ZNF354B: variants seen among roughly 807,000 people sequenced by gnomAD.
ZNF354B encodes the protein zinc finger protein 354B.
ZNF354B carries 10 observed loss-of-function variants against 12.9 expected under a neutral mutation model. That is an observed-to-expected ratio of 0.77 (90% CI 0.48 to 1.31). The LOEUF is 1.31. Among genes scored for constraint, ZNF354B ranks in the 40% most tolerant of loss-of-function variants. The probability of loss-of-function intolerance (pLI) is 0.00; values close to 1 mark genes in which losing one functional copy is unlikely to be tolerated. For synonymous variants in ZNF354B, 260 were observed against 243.7 expected, an observed-to-expected ratio of 1.07 and a Z score of -0.62; for missense variants, 614 against 711.7, an observed-to-expected ratio of 0.86 and a Z score of 1.56.
chr5:178,865,121 AGTGCATT>A (rs1173810331), intron 2 of ZNF354B, among the ~76,000 whole-genome samples: 14 of 152,212 alleles, frequency 9.2e-5, no homozygotes, highest in Non-Finnish European at 1.9e-4. Flanking sequence ...TATGGTTTTA[AGTGCATT>A]GTGCAGATGA....
chr5:178,863,506 C>A (rs528639072), intron 2 of ZNF354B, among the ~76,000 whole-genome samples: 1 of 152,308 alleles, frequency 6.6e-6, no homozygotes, highest in East Asian at 1.9e-4. Context: ...ACCTACCATG[C>A]AGCCTGCCAG....
In ZNF354B at chr5:178,877,776, T is replaced by C. The variant is rs553116399; in HGVS notation, c.257-4933T>C. Among the ~76,000 whole-genome samples, 59 of 152,332 alleles carry C rather than the reference T, an allele frequency of 3.9e-4. 1 individual carries two copies. Among genetic ancestry groups the C allele is most frequent in the Non-Finnish European group, 1.6e-4 (11 of 68,034 alleles). ...TTGGAGATGGGTAGCTGCTGCCAAC[T>C]AATATTAATTTCACTTGACTGGCCA... On this transcript the variant is annotated intron_variant, in intron 4 of 4. Coordinates refer to ENST00000322434, the MANE Select transcript of ZNF354B (RefSeq NM_058230.3).
At chr5:178,880,972 C>T (rs768185165) in intron 4 of ZNF354B, among the ~76,000 whole-genome samples, 2 of 150,654 alleles carry the variant, frequency 1.3e-5, no homozygotes, top group Non-Finnish European at 2.9e-5. Context: ...CCTCCCTAGT[C>T]ACTAGCATTA....
chr5:178,867,127 G>C, intron 4 of ZNF354B, 56 bp downstream of exon 4: 1 of 1,497,220 alleles, frequency 6.7e-7, no homozygotes, highest in Non-Finnish European at 9.3e-7. Flanking sequence ...TCTGGTTAAT[G>C]AGAGGAGGTA....
intron 4 of ZNF354B, among the ~76,000 whole-genome samples, chr5:178,873,030 C>T (rs1581812732): frequency 6.6e-6 from 1 of 152,282 alleles, no homozygotes; most frequent in Non-Finnish European, 1.5e-5. Context: ...TCAAGTGATT[C>T]GCCTACCTCG....
rs1331958724 is a variant in ZNF354B at position 178,861,097 on chromosome 5, C to T, written c.33+17C>T. On this transcript the variant is annotated intron_variant, in intron 2 of 4. Coordinates refer to ENST00000322434, the MANE Select transcript of ZNF354B (RefSeq NM_058230.3). ...AGGCCCCAGGTGAGCTCATTGCCCT[C>T]CCAGATCCCAGTGGATGGATTTTCC... 1.1e-6 allele frequency: 1 copy of T among 906,446 alleles called. No individual in the cohort carries two copies. Among genetic ancestry groups the T allele is most frequent in the African/African-American group, 1.7e-5 (1 of 58,766 alleles). 56.2% of individuals were successfully genotyped at this position (906,446 alleles called of 1,614,324 possible).
Position 178,883,370 on chromosome 5 carries a change from C to A in ZNF354B, c.918C>A (p.Ser306=). The A allele has an allele frequency of 6.2e-7, 1 of 1,613,970 alleles. No individual in the cohort carries two copies. Among genetic ancestry groups the A allele is most frequent in the South Asian group, 1.1e-5 (1 of 91,070 alleles). The change falls in exon 5 of 5, where the codon TCC becomes TCA. Residue 306 remains serine, a synonymous_variant. Coordinates refer to ENST00000322434, the MANE Select transcript of ZNF354B (RefSeq NM_058230.3). ...ATAGATGTAAAGAATGTGGTAAATCCTTCAGTCGAAGGTCTGGGCTTTTTA... is the reference window on the plus strand; with the variant it reads ...ATAGATGTAAAGAATGTGGTAAATCATTCAGTCGAAGGTCTGGGCTTTTTA... The part of the protein sequence containing the change: ...KCYRCKECGK[S]FSRRSGLFIH...
At chr5:178,863,816 C>A (rs995943871) in intron 2 of ZNF354B, among the ~76,000 whole-genome samples, 46 of 151,970 alleles carry the variant, frequency 3.0e-4, no homozygotes, top group Non-Finnish European at 4.3e-4. Context: ...CCCGTGTAGG[C>A]CTAGACTAAT....
intron 4 of ZNF354B, among the ~76,000 whole-genome samples, chr5:178,881,155 A>AT (rs1368582340): frequency 1.3e-5 from 2 of 152,034 alleles, no homozygotes; most frequent in African/African-American, 4.8e-5. Flanking sequence ...ACTCAAGATC[A>AT]TTTTTGTTTC....
At chr5:178,864,653 C>T (rs1393472699) in intron 2 of ZNF354B, among the ~76,000 whole-genome samples, 2 of 149,772 alleles carry the variant, frequency 1.3e-5, no homozygotes, top group Non-Finnish European at 1.5e-5. Context: ...GAGGGAGTCT[C>T]ACTTTATCAC....
Position 178,882,942 on chromosome 5 carries a change from GGCCAAAACTTCT to G in ZNF354B, c.491_502del (p.Gly164_Tyr168delinsAsp). Reference sequence around the variant, plus strand: ...TAGAAGCCATAAAAATGTTGAATTTGGCCAAAACTTCTACCTGAAATCAGTCTTCATTAAGCA... The same window carrying G: ...TAGAAGCCATAAAAATGTTGAATTTGACCTGAAATCAGTCTTCATTAAGCA... On this transcript the variant is annotated inframe_deletion, in exon 5 of 5. Coordinates refer to ENST00000322434, the MANE Select transcript of ZNF354B (RefSeq NM_058230.3). 6.2e-7 allele frequency: 1 copy of G among 1,601,546 alleles called. No individual in the cohort carries two copies. The highest frequency in any genetic ancestry group is 8.5e-7 in the Non-Finnish European group (1 of 1,176,994).
chr5:178,882,544 T>C (rs552932664), intron 4 of ZNF354B, among the ~76,000 whole-genome samples, 165 bp from the exon 5 acceptor site: 7 of 152,350 alleles, frequency 4.6e-5, no homozygotes, highest in South Asian at 4.1e-4. Flanking sequence ...TGTTCACTTA[T>C]CAGTTCAGCT....
rs1160239496 is a variant in ZNF354B, at chr5:178,883,811, T to C, written c.1359T>C (p.Leu453=). 8.7e-6 allele frequency: 14 copies of C among 1,614,154 alleles called. No individual in the cohort carries two copies. The highest frequency in any genetic ancestry group is 1.1e-5 in the Non-Finnish European group (13 of 1,180,004). Residue 453 remains leucine (L), a synonymous_variant, in exon 5 of 5, where the codon CTT becomes CTC. Transcript: ENST00000322434. ...CGKALSSHST[L]IIHERIHTGE... ...AAGCCTTAAGCTCCCACTCAACACT[T>C]ATTATTCATGAGCGAATTCATACTG...
chr5:178,880,831 ATTTTTTTT>A (rs56013359), intron 4 of ZNF354B, among the ~76,000 whole-genome samples: 799 of 76,140 alleles, frequency 0.01, 14 homozygotes, highest in African/African-American at 0.044. Flanking sequence ...ACTCATGGTC[ATTTTTTTT>A]TTTTTTTTTT....
chr5:178,871,705 A>G (rs570330920), intron 4 of ZNF354B, among the ~76,000 whole-genome samples: 1 of 152,244 alleles, frequency 6.6e-6, no homozygotes, highest in South Asian at 2.1e-4. Flanking sequence ...CCAGTCCCAG[A>G]GATGTCCAGG....
At chr5:178,873,938 CCT>C (rs1757598439) in intron 4 of ZNF354B, among the ~76,000 whole-genome samples, 1 of 150,646 alleles carries the variant, frequency 6.6e-6, no homozygotes, top group African/African-American at 2.4e-5. Context: ...TCATATGAGT[CCT>C]CTGTTTTTTT....
Position 178,860,979 on chromosome 5 carries a change from C to A in ZNF354B, c.-51-18C>A. On this transcript the variant is annotated intron_variant, in intron 1 of 4. Coordinates refer to ENST00000322434, the MANE Select transcript of ZNF354B (RefSeq NM_058230.3). ...GGAAAGCAGAAGGGGTTCTTCCTGG[C>A]TCCCTTTTTCTTCTCAGATCTGCCT... The A allele has an allele frequency of 8.9e-6, 6 of 670,834 alleles. No homozygotes were observed. Among genetic ancestry groups the A allele is most frequent in the Non-Finnish European group, 1.5e-5 (6 of 388,970 alleles). The allele number at this position is 670,834 out of a possible 1,614,324, so 41.6% of individuals were successfully genotyped here.
intron 4 of ZNF354B, among the ~76,000 whole-genome samples, chr5:178,873,778 A>G (rs964311826): frequency 6.6e-6 from 1 of 152,214 alleles, no homozygotes; most frequent in Non-Finnish European, 1.5e-5. Context: ...ATCAATCTCT[A>G]CAAAAAGAAT....
At chr5:178,876,640 G>C (rs1757642668) in intron 4 of ZNF354B, among the ~76,000 whole-genome samples, 1 of 152,110 alleles carries the variant, frequency 6.6e-6, no homozygotes, top group African/African-American at 2.4e-5. Context: ...AAACTTTGTT[G>C]ATTTTTCCTA....
Sources: gnomAD v4.1 joint callset for allele counts (sites outside exome capture counted in the v4.1 genomes callset) on GRCh38, gnomAD v4.1.1 for gene constraint, MANE v1.5 for transcripts, NCBI Gene and HGNC (gene_info 2026-07-23, HGNC 2026-07-21) for gene names.